Variants in HIGD1C observed in about 807,000 individuals in gnomAD.
HIGD1C encodes HIG1 domain family member 1C.
A neutral mutation model predicts 13.1 loss-of-function variants in HIGD1C; 11 were observed. That is an observed-to-expected ratio of 0.84 (90% CI 0.53 to 1.39). The LOEUF (loss-of-function observed/expected upper bound fraction) is 1.39, where lower values mean the gene tolerates loss of function less well. HIGD1C is among the 40% of genes most tolerant of loss of function. The pLI, the probability that HIGD1C is intolerant of heterozygous loss-of-function variation, is 0.00. For missense variants in HIGD1C, 110 were observed against 112.0 expected (o/e 0.98, Z 0.08); for synonymous variants, 36 against 37.7 (o/e 0.95, Z 0.17).
At chr12:50,968,941 C>T (rs762472899) in intron 2 of HIGD1C, among the ~76,000 whole-genome samples, 2 of 151,898 alleles carry the variant, frequency 1.3e-5, no homozygotes, top group African/African-American at 2.4e-5. Context: ...GGCCTTCCAA[C>T]GTGGTGGGAT....
chr12:50,946,171 C>G, the HIGD1C span, among the ~76,000 whole-genome samples: 1 of 152,104 alleles, frequency 6.6e-6, no homozygotes, highest in Non-Finnish European at 1.5e-5. Flanking sequence ...TAGGCATGGG[C>G]AAGGACTTCA....
At chr12:50,943,957 T>C in the HIGD1C span, among the ~76,000 whole-genome samples, 2 of 152,130 alleles carry the variant, frequency 1.3e-5, no homozygotes, top group African/African-American at 4.8e-5. Context: ...CAGGAGAAAG[T>C]AAAATACCCT....
At chr12:50,956,620 A>C (rs926315117) in intron 1 of HIGD1C, among the ~76,000 whole-genome samples, 2 of 152,172 alleles carry the variant, frequency 1.3e-5, no homozygotes, top group Non-Finnish European at 2.9e-5. Flanking sequence ...TATCTATTTA[A>C]AGTATGTGTT....
chr12:50,958,282 C>CTT (rs71089718), intron 1 of HIGD1C, among the ~76,000 whole-genome samples: 391 of 133,926 alleles, frequency 2.9e-3, no homozygotes, highest in African/African-American at 5.8e-3. Context: ...CTAAAATAAT[C>CTT]TTTTTTTTTT....
downstream of HIGD1C, among the ~76,000 whole-genome samples, chr12:50,971,627 T>C (rs530527573): frequency 5.1e-4 from 77 of 152,328 alleles, no homozygotes; most frequent in African/African-American, 1.8e-3. Context: ...GTCTAAAAAA[T>C]TAACTAGGCT....
upstream of HIGD1C, among the ~76,000 whole-genome samples, chr12:50,949,848 C>T (rs1938858208): frequency 1.3e-5 from 2 of 152,078 alleles, no homozygotes; most frequent in African/African-American, 4.8e-5. Flanking sequence ...GGTAGCAGAA[C>T]CACCACCCAA....
At chr12:50,949,717 AGAGACAGG>A (rs1184121955), upstream of HIGD1C, among the ~76,000 whole-genome samples, 5 of 151,638 alleles carry the variant, frequency 3.3e-5, no homozygotes, top group Non-Finnish European at 7.4e-5. Flanking sequence ...TATTTTTAGT[AGAGACAGG>A]GTTTCACCAT....
At chr12:50,941,313 A>G in the HIGD1C span, among the ~76,000 whole-genome samples, 1 of 152,212 alleles carries the variant, frequency 6.6e-6, no homozygotes, top group Admixed American at 6.5e-5. Flanking sequence ...AATGGGAGGA[A>G]ACATTGGAGA....
chr12:50,941,350 C>A, the HIGD1C span, among the ~76,000 whole-genome samples: 1 of 152,192 alleles, frequency 6.6e-6, no homozygotes, highest in Admixed American at 6.5e-5. Flanking sequence ...CATTGTTAAC[C>A]TGTCAGCCCA....
the HIGD1C span, chr12:50,932,284 C>T: frequency 3.9e-5 from 6 of 152,120 alleles, no homozygotes; most frequent in Admixed American, 1.3e-4. Flanking sequence ...TAATTCCACC[C>T]CTGTTGGAAG....
chr12:50,950,466 A>T (rs1043386324), upstream of HIGD1C, among the ~76,000 whole-genome samples: 2 of 152,160 alleles, frequency 1.3e-5, no homozygotes, highest in Non-Finnish European at 2.9e-5. Context: ...TAAATAGAGA[A>T]GAAAGAAAAG....
chr12:50,964,743 A>G (rs1939477295), intron 2 of HIGD1C, among the ~76,000 whole-genome samples: 1 of 152,222 alleles, frequency 6.6e-6, no homozygotes, highest in South Asian at 2.1e-4. Flanking sequence ...TGTTATGTTG[A>G]TTTGCTCCAG....
intron 1 of HIGD1C, among the ~76,000 whole-genome samples, chr12:50,956,341 A>G (rs1164132484): frequency 6.6e-6 from 1 of 152,184 alleles, no homozygotes; most frequent in Non-Finnish European, 1.5e-5. Flanking sequence ...GCAGTGAGCC[A>G]AGATTGCGCC....
the HIGD1C span, among the ~76,000 whole-genome samples, chr12:50,941,897 T>C: frequency 6.6e-6 from 1 of 152,184 alleles, no homozygotes; most frequent in South Asian, 2.1e-4. Flanking sequence ...TGTTCCTTTT[T>C]TTCTTTTTTG....
the HIGD1C span, among the ~76,000 whole-genome samples, chr12:50,937,160 C>T: frequency 4.2e-4 from 64 of 152,336 alleles, 1 homozygote; most frequent in East Asian, 9.1e-3. Flanking sequence ...CTTTGCCAGA[C>T]GCAGACCTCC....
intron 2 of HIGD1C, among the ~76,000 whole-genome samples, chr12:50,966,241 A>G (rs1175349153): frequency 6.6e-6 from 1 of 152,208 alleles, no homozygotes; most frequent in African/African-American, 2.4e-5. Context: ...TACAGAGAAC[A>G]GTCACCACAG....
chr12:50,964,623 G>T (rs900164624), intron 2 of HIGD1C, among the ~76,000 whole-genome samples: 1 of 152,168 alleles, frequency 6.6e-6, no homozygotes, highest in Non-Finnish European at 1.5e-5. Context: ...GGCAGTGAAA[G>T]CATACTGTGG....
At chr12:50,963,728 T>C (rs1939435880) in intron 2 of HIGD1C, among the ~76,000 whole-genome samples, 1 of 152,214 alleles carries the variant, frequency 6.6e-6, no homozygotes, top group Admixed American at 6.5e-5. Flanking sequence ...AGAATTCGAC[T>C]GCTGCATCAT....
At chr12:50,938,418 G>C in the HIGD1C span, among the ~76,000 whole-genome samples, 2 of 152,208 alleles carry the variant, frequency 1.3e-5, no homozygotes, top group Admixed American at 6.5e-5. Context: ...AAGCCTGTTG[G>C]GGAAGGGGGT....
Sources: gnomAD v4.1 joint callset for allele counts (sites outside exome capture counted in the v4.1 genomes callset) on GRCh38, gnomAD v4.1.1 for gene constraint, MANE v1.5 for transcripts, NCBI Gene and HGNC (gene_info 2026-07-23, HGNC 2026-07-21) for gene names.